IFT74: variants seen among roughly 807,000 people sequenced by gnomAD.
The protein encoded by IFT74 is intraflagellar transport protein 74 homolog.
In IFT74, 92 loss-of-function variants were observed where a neutral mutation model predicts 96.7. The ratio of observed to expected loss-of-function variants is 0.95; its 90% CI spans 0.80 to 1.13. The LOEUF is 1.13. Ranked by LOEUF, IFT74 falls within the 50% of genes most tolerant of loss-of-function variation. IFT74 has a pLI of 0.00. For synonymous variants in IFT74, 223 were observed against 213.2 expected (o/e 1.05, Z -0.40); for missense variants, 811 against 698.2 (o/e 1.16, Z -1.82).
intron 9 of IFT74, among the ~76,000 whole-genome samples, chr9:27,011,447 G>T (rs531901385): frequency 6.8e-6 from 1 of 148,002 alleles, no homozygotes; most frequent in Non-Finnish European, 1.5e-5. Context: ...ATGTATGTGT[G>T]CATGTGTTAT....
chr9:27,026,186 T>C (rs1320660105), intron 12 of IFT74, among the ~76,000 whole-genome samples: 1 of 152,198 alleles, frequency 6.6e-6, no homozygotes, highest in Non-Finnish European at 1.5e-5. Flanking sequence ...GGAGTAGCTA[T>C]TCTTATATTA....
At chr9:26,959,166 T>C (rs941685037) in intron 1 of IFT74, among the ~76,000 whole-genome samples, 1 of 152,178 alleles carries the variant, frequency 6.6e-6, no homozygotes, top group Non-Finnish European at 1.5e-5. Context: ...TGGAGTGCAG[T>C]GGCACGATCT....
At chr9:26,950,692 TCAC>T (rs1434826022) in intron 1 of IFT74, among the ~76,000 whole-genome samples, 1 of 152,238 alleles carries the variant, frequency 6.6e-6, no homozygotes, top group Non-Finnish European at 1.5e-5. Flanking sequence ...AGATGGAGTT[TCAC>T]CACTTGTGGT....
chr9:26,995,411 A>C, intron 8 of IFT74: 2 of 650,576 alleles, frequency 3.1e-6, no homozygotes, highest in Non-Finnish European at 2.6e-6. Context: ...GTATGTTGTC[A>C]TTAATATGAA....
chr9:27,002,503 T>C (rs1412756364), intron 8 of IFT74, among the ~76,000 whole-genome samples: 1 of 152,252 alleles, frequency 6.6e-6, no homozygotes, highest in Non-Finnish European at 1.5e-5. Context: ...CATTTTTCCA[T>C]ATATAGTTAT....
chr9:26,955,039 A>C (rs956263253), upstream of IFT74, among the ~76,000 whole-genome samples: 1 of 152,214 alleles, frequency 6.6e-6, no homozygotes, highest in Non-Finnish European at 1.5e-5. Flanking sequence ...AAATTATTTA[A>C]TCTCTTTAAA....
At chr9:27,020,464 ATTTCTTTTTTTTTTT>A (rs1312785876) in intron 12 of IFT74, among the ~76,000 whole-genome samples, 7 of 134,996 alleles carry the variant, frequency 5.2e-5, no homozygotes, top group African/African-American at 1.1e-4. Context: ...TATCTTTTTT[ATTTCTTTTTTTTTTT>A]TTTCTTTTTT....
rs772432365 is a variant in IFT74 at position 27,009,024 on chromosome 9, GAA to G, written c.596_597del (p.Lys199ThrfsTer10). ...ATTACGTGCTTCTGATTTTAGGAAAGAAAAACAAATCAGAAGTGTCGAAGAAG... is the reference window on the plus strand; with the variant it reads ...ATTACGTGCTTCTGATTTTAGGAAAGAAACAAATCAGAAGTGTCGAAGAAG... ...DVIFTERQAK[E>X]KQIRSVEEEI... On this transcript the variant is annotated frameshift_variant, in exon 9 of 20. Transcript: ENST00000380062. LOFTEE classifies it high-confidence loss of function. 1 of 1,610,298 alleles carries G rather than the reference GAA, an allele frequency of 6.2e-7. No homozygotes were observed. The highest frequency in any genetic ancestry group is 1.7e-5 in the Admixed American group (1 of 59,714).
chr9:27,044,758 A>G lies in IFT74; in HGVS notation c.1071A>G (p.Lys357=). Residue 357 remains lysine, a synonymous_variant, in exon 14 of 20, where the codon AAA becomes AAG. Transcript: ENST00000380062. ...LEEHQGEMNQ[K]YKELKKREEH... Reference sequence around the variant, plus strand: ...CTCTCATAGGTGAAATGAACCAGAAATACAAGGAGCTAAAGAAAAGGGAGG... The same window carrying G: ...CTCTCATAGGTGAAATGAACCAGAAGTACAAGGAGCTAAAGAAAAGGGAGG... 1.3e-6 allele frequency: 2 copies of G among 1,569,024 alleles called. No homozygotes were observed. Among genetic ancestry groups the G allele is most frequent in the Non-Finnish European group, 8.7e-7 (1 of 1,147,756 alleles).
At position 27,011,886 on chromosome 9, in the gene IFT74, G is replaced by A; in HGVS notation, c.727-20G>A. 1 of 1,484,070 alleles carries A rather than the reference G, an allele frequency of 6.7e-7. No individual in the cohort carries two copies. Among genetic ancestry groups the A allele is most frequent in the Non-Finnish European group, 9.0e-7 (1 of 1,105,712 alleles). The allele number at this position is 1,484,070 out of a possible 1,614,324, so 91.9% of individuals were successfully genotyped here. On this transcript the variant is annotated intron_variant, in intron 9 of 19. Transcript: ENST00000380062. ...CTTAATGTAATTTGGATTTATGTTT[G>A]CTTTTTTTTTTCCACTTAGGAATTA...
At chr9:26,957,155 TTTGA>T (rs1826147482) in intron 1 of IFT74, among the ~76,000 whole-genome samples, 1 of 152,322 alleles carries the variant, frequency 6.6e-6, no homozygotes, top group African/African-American at 2.4e-5. Flanking sequence ...TGTGTGACTC[TTTGA>T]TTGAATAACC....
chr9:27,029,309 C>T (rs1219691928), intron 13 of IFT74, among the ~76,000 whole-genome samples: 1 of 150,990 alleles, frequency 6.6e-6, no homozygotes, highest in Non-Finnish European at 1.5e-5. Context: ...AAAATGATTG[C>T]ATAAAATTTA....
intron 13 of IFT74, among the ~76,000 whole-genome samples, chr9:27,031,816 A>G (rs1830143161): frequency 6.6e-6 from 1 of 151,178 alleles, no homozygotes; most frequent in Admixed American, 6.6e-5. Flanking sequence ...ATAAAATAAA[A>G]TGTAAAATAA....
Position 27,063,177 on chromosome 9 carries a change from T to C in IFT74, c.*441T>C, listed in dbSNP as rs4463511. On this transcript the variant is annotated 3_prime_UTR_variant, in exon 20 of 20. Coordinates refer to ENST00000380062, the MANE Select transcript of IFT74 (RefSeq NM_025103.4). ...TAGAAGGGAGATTTTTAGCTTTGAA[T>C]GTTACTTCTCAAATAGGTTATATTT... Among the ~76,000 whole-genome samples, 38,290 of 152,032 alleles carry C rather than the reference T, an allele frequency of 0.25. 5,967 individuals are homozygous for C. The highest frequency in any genetic ancestry group is 0.7 in the East Asian group (3,639 of 5,178).
chr9:27,006,818 C>T (rs1587339157), intron 8 of IFT74, among the ~76,000 whole-genome samples: 2 of 138,686 alleles, frequency 1.4e-5, no homozygotes, highest in African/African-American at 2.7e-5. Flanking sequence ...TTTTTGTTTA[C>T]TTATTATTGT....
intron 16 of IFT74, 50 bp downstream of exon 16, chr9:27,048,324 A>T: frequency 4.0e-6 from 5 of 1,237,752 alleles, no homozygotes; most frequent in Non-Finnish European, 5.6e-6. Flanking sequence ...AAATATATCA[A>T]TGTTATTCTC....
chr9:26,974,366 A>G (rs894395666), intron 2 of IFT74, among the ~76,000 whole-genome samples: 1 of 152,178 alleles, frequency 6.6e-6, no homozygotes, highest in African/African-American at 2.4e-5. Context: ...TAGTGACAAA[A>G]TGGAGCTTAA....
intron 19 of IFT74, among the ~76,000 whole-genome samples, chr9:27,062,030 G>A (rs1377555137): frequency 1.3e-5 from 2 of 152,172 alleles, no homozygotes; most frequent in African/African-American, 4.8e-5. Context: ...TCCTGACTCA[G>A]TGGCAGCATA....
chr9:26,984,612 CT>C, intron 6 of IFT74, 53 bp downstream of exon 6: 2 of 1,394,452 alleles, frequency 1.4e-6, no homozygotes, highest in Admixed American at 3.5e-5. Flanking sequence ...TTAGTTTTTA[CT>C]ACTGCTTTAA....
Sources: allele counts gnomAD v4.1 joint callset (sites outside exome capture counted in the v4.1 genomes callset), GRCh38; gene constraint gnomAD v4.1.1; transcripts MANE v1.5; gene names NCBI Gene and HGNC (gene_info 2026-07-23, HGNC 2026-07-21).